The following CHN2 variants were observed in gnomAD, a reference collection of about 807,000 sequenced individuals.
CHN2 encodes beta-chimaerin.
Under a neutral mutation model 56.3 loss-of-function variants are expected in CHN2, and 35 were observed. The ratio of observed to expected loss-of-function variants is 0.62; its 90% CI spans 0.47 to 0.82. The LOEUF (loss-of-function observed/expected upper bound fraction) is 0.82. Among genes scored for constraint, CHN2 ranks in the 40% least tolerant of loss-of-function variants. The pLI, the probability that CHN2 is intolerant of heterozygous loss-of-function variation, is 0.00. For synonymous variants in CHN2, 210 were observed against 212.8 expected, an observed-to-expected ratio of 0.99 and a Z score of 0.12; for missense variants, 491 against 580.5, an observed-to-expected ratio of 0.85 and a Z score of 1.58.
intron 2 of CHN2, among the ~76,000 whole-genome samples, chr7:29,359,568 GA>G (rs1482567539): frequency 6.6e-6 from 1 of 152,030 alleles, no homozygotes; most frequent in Non-Finnish European, 1.5e-5. Context: ...GAAAAAAAAG[GA>G]AAAAGCTTCA....
At chr7:29,348,657 G>A (rs765907638) in intron 1 of CHN2, among the ~76,000 whole-genome samples, 3 of 152,102 alleles carry the variant, frequency 2.0e-5, no homozygotes, top group Non-Finnish European at 4.4e-5. Flanking sequence ...CTTCCTGCAC[G>A]AATACTGTAC....
At chr7:29,434,629 C>T (rs1203622339) in intron 6 of CHN2, among the ~76,000 whole-genome samples, 1 of 152,182 alleles carries the variant, frequency 6.6e-6, no homozygotes, top group Non-Finnish European at 1.5e-5. Context: ...TAGGGCCTAT[C>T]TTAATCCAAT....
upstream of CHN2, among the ~76,000 whole-genome samples, chr7:29,189,882 G>T (rs1782671588): frequency 6.6e-6 from 1 of 152,166 alleles, no homozygotes; most frequent in Non-Finnish European, 1.5e-5. Context: ...TGCCTGCGTC[G>T]TGTGCCGCCA....
intron 6 of CHN2, among the ~76,000 whole-genome samples, chr7:29,473,470 G>GTTTTTTTTTTT (rs765290417): frequency 1.4e-4 from 13 of 93,506 alleles, no homozygotes; most frequent in East Asian, 8.2e-4. Context: ...GTGTGTTTGT[G>GTTTTTTTTTTT]TTTTTTTTTT....
chr7:29,492,741 C>T (rs1788799275), intron 7 of CHN2, among the ~76,000 whole-genome samples: 1 of 152,170 alleles, frequency 6.6e-6, no homozygotes, highest in South Asian at 2.1e-4. Context: ...TTCTTCAGTT[C>T]AGTTGAGTCT....
chr7:29,468,612 C>T (rs985613196), intron 6 of CHN2, among the ~76,000 whole-genome samples: 1 of 152,106 alleles, frequency 6.6e-6, no homozygotes, highest in African/African-American at 2.4e-5. Flanking sequence ...GTGCTTGGCT[C>T]CCCGGTACTC....
intron 2 of CHN2, among the ~76,000 whole-genome samples, chr7:29,361,111 G>A (rs1015740985): frequency 2.0e-5 from 3 of 152,168 alleles, no homozygotes; most frequent in Non-Finnish European, 4.4e-5. Context: ...ATTCCATCAC[G>A]TCACCTCTCA....
chr7:29,388,555 G>A (rs4365990), intron 3 of CHN2, among the ~76,000 whole-genome samples: 1 of 152,118 alleles, frequency 6.6e-6, no homozygotes, highest in Non-Finnish European at 1.5e-5. Context: ...TTAAAGATAA[G>A]AAAACTGAGG....
chr7:29,290,321 TC>T (rs1371933090), intron 1 of CHN2, among the ~76,000 whole-genome samples: 1 of 152,242 alleles, frequency 6.6e-6, no homozygotes, highest in Non-Finnish European at 1.5e-5. Context: ...CTGTGGCACA[TC>T]CCACCTGAAG....
intron 7 of CHN2, among the ~76,000 whole-genome samples, chr7:29,486,512 C>T (rs1344288712): frequency 6.6e-6 from 1 of 152,112 alleles, no homozygotes; most frequent in Admixed American, 6.5e-5. Context: ...AGTGCTACCC[C>T]GTGTCTGATC....
intron 6 of CHN2, among the ~76,000 whole-genome samples, chr7:29,452,619 A>C (rs1784481229): frequency 6.6e-6 from 1 of 152,240 alleles, no homozygotes; most frequent in African/African-American, 2.4e-5. Context: ...AGATTTTTCT[A>C]AAAGTGTTCT....
chr7:29,214,649 T>A (rs900029856), intron 1 of CHN2, among the ~76,000 whole-genome samples: 1 of 152,202 alleles, frequency 6.6e-6, no homozygotes, highest in Admixed American at 6.5e-5. Flanking sequence ...AACTTCGTCA[T>A]TTCTGAAGAT....
At chr7:29,322,434 C>G (rs925384061) in intron 1 of CHN2, among the ~76,000 whole-genome samples, 4 of 152,220 alleles carry the variant, frequency 2.6e-5, no homozygotes, top group Non-Finnish European at 4.4e-5. Context: ...TCTCCCCAAG[C>G]TTCTCCAGCT....
At chr7:29,498,764 T>TG (rs934142755) in intron 8 of CHN2, among the ~76,000 whole-genome samples, 3 of 143,500 alleles carry the variant, frequency 2.1e-5, no homozygotes, top group Non-Finnish European at 4.5e-5. Context: ...CTGCCTTTTT[T>TG]TTTTTTTTTT....
chr7:29,195,216 T>G (rs1217234041), intron 1 of CHN2: 6 of 464,100 alleles, frequency 1.3e-5, no homozygotes, highest in African/African-American at 4.1e-5. Context: ...GGTGGTGCCC[T>G]TAGTGTGCGG....
intron 1 of CHN2, among the ~76,000 whole-genome samples, chr7:29,346,434 T>C (rs1178148793): frequency 3.3e-5 from 5 of 152,214 alleles, no homozygotes. Flanking sequence ...CATGCTTGAC[T>C]GAAAAACCTG....
intron 1 of CHN2, among the ~76,000 whole-genome samples, chr7:29,251,867 C>T (rs1788545936): frequency 6.6e-6 from 1 of 152,154 alleles, no homozygotes; most frequent in South Asian, 2.1e-4. Context: ...TGATGCATGG[C>T]ACTTATTTTA....
At chr7:29,475,012 A>G (rs995580252) in intron 6 of CHN2, among the ~76,000 whole-genome samples, 7 of 152,062 alleles carry the variant, frequency 4.6e-5, no homozygotes, top group African/African-American at 4.8e-5. Context: ...TTCTTCTACC[A>G]TTCCTTTCCT....
At chr7:29,431,063 C>T (rs1393441343) in intron 6 of CHN2, among the ~76,000 whole-genome samples, 2 of 152,226 alleles carry the variant, frequency 1.3e-5, no homozygotes, top group East Asian at 3.9e-4. Flanking sequence ...GAGAATCTGC[C>T]CCCAAGCCTA....
Sources: allele counts gnomAD v4.1 joint callset (sites outside exome capture counted in the v4.1 genomes callset), GRCh38; gene constraint gnomAD v4.1.1; transcripts MANE v1.5; gene names NCBI Gene and HGNC (gene_info 2026-07-23, HGNC 2026-07-21).